Variants in ROCK1 observed in about 807,000 individuals in gnomAD.
The protein encoded by ROCK1 is rho-associated protein kinase 1.
ROCK1 carries 36 observed loss-of-function variants against 196.8 expected under a neutral mutation model. That is an observed-to-expected ratio of 0.18 (90% CI 0.14 to 0.24). The LOEUF (loss-of-function observed/expected upper bound fraction) is 0.24. Among genes scored for constraint, ROCK1 ranks in the 10% least tolerant of loss-of-function variants. The pLI is 1.00. For synonymous variants in ROCK1, 443 were observed against 515.9 expected (o/e 0.86, Z 1.91); for missense variants, 920 against 1,562.0 (o/e 0.59, Z 6.93).
intron 32 of ROCK1, among the ~76,000 whole-genome samples, chr18:20,952,063 G>C (rs1418831662): frequency 6.6e-6 from 1 of 152,192 alleles, no homozygotes; most frequent in Non-Finnish European, 1.5e-5. Flanking sequence ...AACTTAATGA[G>C]ATGAGATTTC....
intron 27 of ROCK1, among the ~76,000 whole-genome samples, chr18:20,960,409 T>C (rs1483556484): frequency 6.6e-6 from 1 of 152,118 alleles, no homozygotes; most frequent in African/African-American, 2.4e-5. Flanking sequence ...CCAAGCCACT[T>C]TTCCCATACA....
At chr18:21,031,067 T>C (rs901008381) in intron 9 of ROCK1, among the ~76,000 whole-genome samples, 34 of 152,204 alleles carry the variant, frequency 2.2e-4, no homozygotes, top group African/African-American at 7.5e-4. Flanking sequence ...GGAATACAGA[T>C]TTTGCAAAAT....
chr18:21,001,543 A>T (rs2143427755), intron 16 of ROCK1, among the ~76,000 whole-genome samples: 1 of 152,202 alleles, frequency 6.6e-6, no homozygotes, highest in Admixed American at 6.5e-5. Context: ...TGAGGCAGGC[A>T]GATCACGAGG....
intron 2 of ROCK1, among the ~76,000 whole-genome samples, chr18:21,053,556 C>T (rs538181840): frequency 1.3e-5 from 2 of 152,292 alleles, no homozygotes; most frequent in African/African-American, 2.4e-5. Context: ...AACATTTGGG[C>T]TGGGCATGAT....
At chr18:21,077,803 C>T (rs1271005365) in intron 1 of ROCK1, among the ~76,000 whole-genome samples, 1 of 152,088 alleles carries the variant, frequency 6.6e-6, no homozygotes, top group African/African-American at 2.4e-5. Context: ...CAGCAGAGGG[C>T]AAATCTGCAA....
chr18:21,090,121 T>C (rs2036557835), intron 1 of ROCK1, among the ~76,000 whole-genome samples: 1 of 152,268 alleles, frequency 6.6e-6, no homozygotes, highest in African/African-American at 2.4e-5. Flanking sequence ...TGGATGATTT[T>C]ATAACATCAT....
intron 1 of ROCK1, among the ~76,000 whole-genome samples, chr18:21,074,784 T>A (rs1367381212): frequency 1.3e-5 from 2 of 151,974 alleles, no homozygotes; most frequent in Non-Finnish European, 2.9e-5. Context: ...AGTTAGTAGG[T>A]AGAAAAAGTA....
At chr18:20,994,292 T>C (rs2035651955) in intron 16 of ROCK1, among the ~76,000 whole-genome samples, 1 of 152,190 alleles carries the variant, frequency 6.6e-6, no homozygotes, top group African/African-American at 2.4e-5. Context: ...TGTTTAAATG[T>C]TGAAGTGCTA....
chr18:21,097,336 C>A (rs1420767373), intron 1 of ROCK1, among the ~76,000 whole-genome samples: 1 of 152,146 alleles, frequency 6.6e-6, no homozygotes. Flanking sequence ...GGGAACATTT[C>A]AAATAAAGTA....
chr18:21,010,649 T>C (rs918320073), intron 13 of ROCK1, among the ~76,000 whole-genome samples: 4 of 152,216 alleles, frequency 2.6e-5, no homozygotes, highest in African/African-American at 9.7e-5. Flanking sequence ...TACCTTGGTG[T>C]GTGTTCCTTA....
chr18:21,001,400 T>C (rs1028486304), intron 16 of ROCK1, among the ~76,000 whole-genome samples: 3 of 152,200 alleles, frequency 2.0e-5, no homozygotes, highest in Non-Finnish European at 4.4e-5. Flanking sequence ...AATTGTATAT[T>C]TTTAAATGGT....
chr18:21,031,168 T>G (rs1435962010), intron 9 of ROCK1, among the ~76,000 whole-genome samples: 1 of 152,162 alleles, frequency 6.6e-6, no homozygotes, highest in Non-Finnish European at 1.5e-5. Context: ...GAATCTGATT[T>G]CCAGAGTTAC....
At chr18:21,009,277 T>C (rs2035795831) in intron 13 of ROCK1, among the ~76,000 whole-genome samples, 2 of 149,724 alleles carry the variant, frequency 1.3e-5, no homozygotes, top group African/African-American at 4.9e-5. Context: ...CCTCCCAAAG[T>C]GCTGGGATTA....
At chr18:21,037,057 A>T (rs1191833448) in intron 9 of ROCK1, among the ~76,000 whole-genome samples, 1 of 152,132 alleles carries the variant, frequency 6.6e-6, no homozygotes, top group Admixed American at 6.5e-5. Flanking sequence ...AGAGACTTAG[A>T]TCTGAATTTT....
At chr18:21,040,165 A>C (rs1053532028) in intron 8 of ROCK1, among the ~76,000 whole-genome samples, 47 of 152,258 alleles carry the variant, frequency 3.1e-4, no homozygotes, top group African/African-American at 1.0e-3. Flanking sequence ...AAATGAATAA[A>C]GCACCATGCA....
chr18:20,983,577 C>A (rs1446911825), intron 20 of ROCK1, among the ~76,000 whole-genome samples: 1 of 151,964 alleles, frequency 6.6e-6, no homozygotes, highest in Non-Finnish European at 1.5e-5. Flanking sequence ...ACAGTAATAG[C>A]TTTGTATTCT....
intron 23 of ROCK1, 80 bp from the exon 24 acceptor site, chr18:20,969,288 C>T (rs1360691542): frequency 1.2e-6 from 1 of 800,820 alleles, no homozygotes; most frequent in Non-Finnish European, 2.1e-6. Flanking sequence ...AAATATACTG[C>T]TAGATAAAGA....
At chr18:20,958,918 ATTT>A (rs1284297314) in intron 29 of ROCK1, among the ~76,000 whole-genome samples, 1 of 74,080 alleles carries the variant, frequency 1.3e-5, no homozygotes, top group East Asian at 5.4e-4. Context: ...TATTTTATAT[ATTT>A]TATATATATA....
chr18:20,987,543 AT>A (rs2035588064), intron 18 of ROCK1, among the ~76,000 whole-genome samples: 1 of 152,212 alleles, frequency 6.6e-6, no homozygotes, highest in Non-Finnish European at 1.5e-5. Context: ...AGGAACTCCA[AT>A]TTATACAATT....
Sources: gnomAD v4.1 joint callset for allele counts (sites outside exome capture counted in the v4.1 genomes callset) on GRCh38, gnomAD v4.1.1 for gene constraint, MANE v1.5 for transcripts, NCBI Gene and HGNC (gene_info 2026-07-23, HGNC 2026-07-21) for gene names.